The following SNX25 variants were observed in gnomAD, a reference collection of about 807,000 sequenced individuals.
SNX25 encodes sorting nexin-25.
A neutral mutation model predicts 113.7 loss-of-function variants in SNX25; 62 were observed. That is an observed-to-expected ratio of 0.55 (90% CI 0.44 to 0.67). The LOEUF (loss-of-function observed/expected upper bound fraction) is 0.67, where lower values mean the gene tolerates loss of function less well. Among genes scored for constraint, SNX25 ranks in the 30% least tolerant of loss-of-function variants. The pLI, the probability that SNX25 is intolerant of heterozygous loss-of-function variation, is 0.00. For missense variants in SNX25, 1,014 were observed against 1,161.0 expected (o/e 0.87, Z 1.84); for synonymous variants, 421 against 436.2 (o/e 0.97, Z 0.43).
chr4:185,357,859 G>T, intron 16 of SNX25, 122 bp downstream of exon 16: 1 of 818,144 alleles, frequency 1.2e-6, no homozygotes, highest in South Asian at 1.6e-5. Context: ...CTCACTTTTC[G>T]TTTCTGATAT....
downstream of SNX25, chr4:185,365,003 AGTGTGTGTGTGTGTATGTGTGTGTGT>A (rs1232020528): frequency 4.3e-5 from 6 of 140,126 alleles, no homozygotes; most frequent in Non-Finnish European, 9.1e-5. Context: ...TTAGAGAAGG[AGTGTGTGTGTGTGTATGTGTGTGTGT>A]GTGTGTGTGT....
At chr4:185,278,794 A>G (rs1385101009) in intron 5 of SNX25, among the ~76,000 whole-genome samples, 1 of 152,240 alleles carries the variant, frequency 6.6e-6, no homozygotes, top group Non-Finnish European at 1.5e-5. Context: ...AGAATGAAAC[A>G]TATACGAATG....
intron 1 of SNX25, among the ~76,000 whole-genome samples, chr4:185,215,003 G>A (rs928312434): frequency 6.6e-6 from 1 of 152,190 alleles, no homozygotes; most frequent in Non-Finnish European, 1.5e-5. Context: ...GGCTGAGGCG[G>A]GTGGATCACG....
intron 13 of SNX25, among the ~76,000 whole-genome samples, chr4:185,349,550 T>C (rs1203647823): frequency 6.6e-6 from 1 of 152,222 alleles, no homozygotes; most frequent in Non-Finnish European, 1.5e-5. Context: ...AGGGTTCCCT[T>C]TTCTTTCATA....
chr4:185,239,314 T>A (rs919693940), intron 1 of SNX25, among the ~76,000 whole-genome samples: 3 of 151,902 alleles, frequency 2.0e-5, no homozygotes, highest in Non-Finnish European at 2.9e-5. Flanking sequence ...AAACTCCGTC[T>A]CTACTAAAAA....
chr4:185,263,490 A>G (rs1252211362), intron 3 of SNX25, among the ~76,000 whole-genome samples: 1 of 152,194 alleles, frequency 6.6e-6, no homozygotes, highest in East Asian at 1.9e-4. Context: ...TTAGGATAGA[A>G]TTCCTTCAGG....
intron 5 of SNX25, among the ~76,000 whole-genome samples, chr4:185,284,523 A>G (rs948028078): frequency 1.3e-5 from 2 of 152,196 alleles, no homozygotes; most frequent in East Asian, 1.9e-4. Context: ...ATGAGACTGT[A>G]GTTTTGAGAG....
Position 185,323,561 on chromosome 4 carries a change from C to G in SNX25, c.1510C>G (p.Gln504Glu). ...TCCACAATTAGTTGGTGAAATTTAT[C>G]AGAATTTCTTTGTGGAGAGCAAAGA... The part of the protein sequence containing the change: ...EIPQLVGEIY[Q>E]NFFVESKEIS... The change falls in exon 9 of 19, where the codon CAG (glutamine) becomes GAG (glutamate). Residue 504 changes from glutamine (Q) to glutamate (E), a missense_variant. Transcript: ENST00000652585. 6.2e-7 allele frequency: 1 copy of G among 1,610,980 alleles called. No individual in the cohort carries two copies.
chr4:185,257,793 C>A (rs1475583009), intron 2 of SNX25, among the ~76,000 whole-genome samples: 1 of 151,984 alleles, frequency 6.6e-6, no homozygotes, highest in African/African-American at 2.4e-5. Flanking sequence ...TTTCCTAATT[C>A]CAAGGTGCAG....
chr4:185,330,929 A>G (rs2095189794), intron 9 of SNX25, among the ~76,000 whole-genome samples: 1 of 152,210 alleles, frequency 6.6e-6, no homozygotes, highest in East Asian at 1.9e-4. Context: ...TCAGAAATTA[A>G]GATAGTTAAT....
At chr4:185,332,447 C>T in intron 9 of SNX25, 148 bp from the exon 10 acceptor site, 1 of 772,146 alleles carries the variant, frequency 1.3e-6, no homozygotes, top group Non-Finnish European at 1.9e-6. Flanking sequence ...TGATTTTTCT[C>T]TTTGCTGAGA....
intron 10 of SNX25, among the ~76,000 whole-genome samples, chr4:185,335,314 T>TCA (rs1491499009): frequency 1.5e-4 from 11 of 74,132 alleles, no homozygotes; most frequent in African/African-American, 6.4e-4. Flanking sequence ...AGTGAAAAAG[T>TCA]CTCACACACA....
rs112352128 is a variant in SNX25, at chr4:185,222,038, G to A, written c.429+11783G>A. ...ACCATATATCCCTCGTTCACTGTAG[G>A]TATACAGCACCATATACCCCTCCTT... On this transcript the variant is annotated intron_variant, in intron 1 of 18. Coordinates refer to ENST00000652585, the MANE Select transcript of SNX25 (RefSeq NM_001378034.2). 8.1e-3 allele frequency among the ~76,000 whole-genome samples: 182 copies of A among 22,452 alleles called. 1 individual carries two copies. The highest frequency in any genetic ancestry group is 0.021 in the East Asian group (9 of 430). The allele number at this position is 22,452 out of a possible 152,430, so 14.7% of individuals were successfully genotyped here.
intron 1 of SNX25, among the ~76,000 whole-genome samples, chr4:185,223,185 T>G (rs1359237571): frequency 6.6e-6 from 1 of 152,194 alleles, no homozygotes; most frequent in Non-Finnish European, 1.5e-5. Context: ...TCATCTTGAC[T>G]TTATAGGAAT....
chr4:185,367,173 T>C (rs760590408), downstream of SNX25: 5 of 1,609,166 alleles, frequency 3.1e-6, no homozygotes, highest in Non-Finnish European at 3.4e-6. Flanking sequence ...TTGAAATACA[T>C]TGTGGTCTAA....
chr4:185,336,260 G>A (rs1483869726), intron 10 of SNX25, among the ~76,000 whole-genome samples: 2 of 152,050 alleles, frequency 1.3e-5, no homozygotes, highest in African/African-American at 4.8e-5. Flanking sequence ...TGAGATTTTG[G>A]TATACCTATC....
intron 1 of SNX25, among the ~76,000 whole-genome samples, chr4:185,242,375 C>G (rs1183577937): frequency 6.6e-6 from 1 of 152,116 alleles, no homozygotes; most frequent in Non-Finnish European, 1.5e-5. Flanking sequence ...GCCCTCAACC[C>G]CCCACCCCCA....
chr4:185,299,243 G>A (rs560131134), intron 6 of SNX25, among the ~76,000 whole-genome samples: 5 of 152,296 alleles, frequency 3.3e-5, no homozygotes, highest in Admixed American at 2.0e-4. Context: ...AAAGAGAATC[G>A]TGAAGCAGCC....
At chr4:185,281,292 G>A (rs1750527066) in intron 5 of SNX25, among the ~76,000 whole-genome samples, 1 of 152,140 alleles carries the variant, frequency 6.6e-6, no homozygotes, top group Admixed American at 6.5e-5. Flanking sequence ...CAGTAACTGT[G>A]TTAAGGAAGA....
Sources: allele counts gnomAD v4.1 joint callset (sites outside exome capture counted in the v4.1 genomes callset), GRCh38; gene constraint gnomAD v4.1.1; transcripts MANE v1.5; gene names NCBI Gene and HGNC (gene_info 2026-07-23, HGNC 2026-07-21).